The following CCSER1 variants were observed in gnomAD, a reference collection of about 807,000 sequenced individuals.
CCSER1 encodes the protein coiled-coil serine rich protein 1.
In CCSER1, 41 loss-of-function variants were observed where a neutral mutation model predicts 82.0. The observed-to-expected ratio is 0.50, with a 90% confidence interval of 0.39 to 0.65. CCSER1 has a LOEUF of 0.65. Among genes scored for constraint, CCSER1 ranks in the 30% least tolerant of loss-of-function variants. The pLI, the probability that CCSER1 is intolerant of heterozygous loss-of-function variation, is 0.00. For synonymous variants in CCSER1, 414 were observed against 383.9 expected, an observed-to-expected ratio of 1.08 and a Z score of -0.92; for missense variants, 1,119 against 1,064.2, an observed-to-expected ratio of 1.05 and a Z score of -0.72.
At chr4:91,482,154 G>A (rs1205666561) in intron 10 of CCSER1, among the ~76,000 whole-genome samples, 1 of 151,164 alleles carries the variant, frequency 6.6e-6, no homozygotes, top group African/African-American at 2.4e-5. Flanking sequence ...TGTAATCCCA[G>A]CACTTTGGGA....
chr4:91,149,534 T>C (rs1481362795), intron 10 of CCSER1, among the ~76,000 whole-genome samples: 2 of 152,234 alleles, frequency 1.3e-5, no homozygotes, highest in African/African-American at 4.8e-5. Flanking sequence ...TTTGGTGTTT[T>C]AGACATGAAG....
intron 10 of CCSER1, among the ~76,000 whole-genome samples, chr4:91,440,849 C>G (rs1383154290): frequency 6.6e-6 from 1 of 152,180 alleles, no homozygotes; most frequent in Non-Finnish European, 1.5e-5. Context: ...CACCTCTATG[C>G]AAGTAAACTA....
At chr4:90,618,047 A>G (rs1484072283) in intron 5 of CCSER1, among the ~76,000 whole-genome samples, 2 of 152,044 alleles carry the variant, frequency 1.3e-5, no homozygotes, top group Non-Finnish European at 2.9e-5. Context: ...GAAATTGAAT[A>G]CATATATCAC....
At chr4:90,733,290 T>C (rs1352066080) in intron 7 of CCSER1, among the ~76,000 whole-genome samples, 1 of 152,210 alleles carries the variant, frequency 6.6e-6, no homozygotes, top group Non-Finnish European at 1.5e-5. Context: ...ATTAGTGATG[T>C]TGAGCACCTT....
chr4:90,568,830 C>A (rs1779750457), intron 5 of CCSER1, among the ~76,000 whole-genome samples: 1 of 150,570 alleles, frequency 6.6e-6, no homozygotes, highest in Non-Finnish European at 1.5e-5. Flanking sequence ...TGGCACCGTG[C>A]CGTGTCGGCT....
chr4:90,964,743 A>C (rs1020440935), intron 9 of CCSER1, among the ~76,000 whole-genome samples: 3 of 151,268 alleles, frequency 2.0e-5, no homozygotes, highest in Admixed American at 1.3e-4. Flanking sequence ...AAAAAAAAAA[A>C]AAAAAAAAAG....
chr4:91,156,153 A>C (rs1730797802), intron 10 of CCSER1, among the ~76,000 whole-genome samples: 1 of 151,768 alleles, frequency 6.6e-6, no homozygotes, highest in Admixed American at 6.6e-5. Context: ...TAATTGTTGA[A>C]GGGAGGTGAT....
intron 8 of CCSER1, among the ~76,000 whole-genome samples, chr4:90,866,564 C>T (rs544997123): frequency 6.6e-6 from 1 of 152,128 alleles, no homozygotes; most frequent in East Asian, 1.9e-4. Context: ...TTTAGACTTA[C>T]ATTTTAGGCT....
At chr4:91,439,493 G>C (rs376563515) in intron 10 of CCSER1, among the ~76,000 whole-genome samples, 7 of 152,088 alleles carry the variant, frequency 4.6e-5, no homozygotes, top group Admixed American at 3.9e-4. Context: ...ACTAAACATG[G>C]AAAGGAACAA....
At position 90,751,548 on chromosome 4, in the gene CCSER1, A is replaced by G. The variant is rs537991218; in HGVS notation, c.2010+27557A>G. Among the ~76,000 whole-genome samples, 8 of 152,246 alleles carry G rather than the reference A, an allele frequency of 5.3e-5. No individual in the cohort carries two copies. The South Asian group carries it at 8.3e-4, about 16-fold the overall frequency. ...ATATAAATAGTGATTTAAGAAACCAATGAAAAATATTTACAAAGATTAATT... is the reference window on the plus strand; with the variant it reads ...ATATAAATAGTGATTTAAGAAACCAGTGAAAAATATTTACAAAGATTAATT... On this transcript the variant is annotated intron_variant, in intron 7 of 10. Coordinates refer to ENST00000509176, the MANE Select transcript of CCSER1 (RefSeq NM_001145065.2).
At chr4:90,474,462 T>C (rs371952490) in intron 5 of CCSER1, among the ~76,000 whole-genome samples, 2 of 152,276 alleles carry the variant, frequency 1.3e-5, no homozygotes, top group East Asian at 1.9e-4. Context: ...TTGTTTGTTA[T>C]AGAGAACGAA....
intron 9 of CCSER1, among the ~76,000 whole-genome samples, chr4:91,061,745 AGTT>A (rs926958667): frequency 1.3e-5 from 2 of 152,012 alleles, no homozygotes; most frequent in African/African-American, 2.4e-5. Flanking sequence ...AAGCAAATAA[AGTT>A]GTGTGCAGTT....
At chr4:90,342,084 C>A (rs560795843) in intron 3 of CCSER1, among the ~76,000 whole-genome samples, 6 of 152,148 alleles carry the variant, frequency 3.9e-5, no homozygotes, top group Non-Finnish European at 8.8e-5. Flanking sequence ...TTTAATAAGA[C>A]AATTATTTTC....
At chr4:91,077,287 AAGGAATC>A (rs1263179374) in intron 9 of CCSER1, among the ~76,000 whole-genome samples, 2 of 152,208 alleles carry the variant, frequency 1.3e-5, no homozygotes, top group Non-Finnish European at 2.9e-5. Flanking sequence ...GCAAGCCTCA[AAGGAATC>A]AGTATCACTC....
intron 10 of CCSER1, among the ~76,000 whole-genome samples, chr4:91,389,820 A>G (rs902973572): frequency 2.6e-5 from 4 of 151,880 alleles, no homozygotes; most frequent in African/African-American, 4.8e-5. Context: ...TTACTTAAGT[A>G]TTTTATTTTT....
intron 1 of CCSER1, among the ~76,000 whole-genome samples, chr4:90,176,056 A>G (rs1374088125): frequency 1.3e-5 from 2 of 151,966 alleles, no homozygotes; most frequent in Non-Finnish European, 2.9e-5. Flanking sequence ...AAATAGAGTG[A>G]TCTCAAGTTT....
chr4:90,976,979 CAT>C (rs1371228813), intron 9 of CCSER1, among the ~76,000 whole-genome samples: 2 of 151,516 alleles, frequency 1.3e-5, no homozygotes, highest in Non-Finnish European at 3.0e-5. Context: ...GTGAAGGTGA[CAT>C]GAGACACAGC....
In CCSER1 at chr4:90,732,056, T is replaced by TCTCTCTCTCTCTCTCTCTCTCTCTCA. The variant is rs761678318; in HGVS notation, c.2010+8070_2010+8071insTCTCTCTCTCTCTCTCTCTCACTCTC. On this transcript the variant is annotated intron_variant, in intron 7 of 10. Transcript: ENST00000509176. ...CTCTCTCTCTCTCTCTCTCTCTCTC[T>TCTCTCTCTCTCTCTCTCTCTCTCTCA]CTCTCACTGCTCTATTCTACTTCTG... Among the ~76,000 whole-genome samples, 37 of 144,772 alleles carry TCTCTCTCTCTCTCTCTCTCTCTCTCA rather than the reference T, an allele frequency of 2.6e-4. 1 individual carries two copies. Among genetic ancestry groups the TCTCTCTCTCTCTCTCTCTCTCTCTCA allele is most frequent in the African/African-American group, 3.5e-4 (14 of 40,066 alleles). The allele number at this position is 144,772 out of a possible 152,430, so 95.0% of individuals were successfully genotyped here. A position where few individuals can be genotyped will look rare whatever the true frequency, so the allele number is the denominator to read the frequency against.
intron 10 of CCSER1, among the ~76,000 whole-genome samples, chr4:91,429,979 C>T (rs1754199401): frequency 6.6e-6 from 1 of 151,918 alleles, no homozygotes; most frequent in African/African-American, 2.4e-5. Flanking sequence ...ACTTCACTAG[C>T]AATGTGTTTA....
Sources: allele counts gnomAD v4.1 joint callset (sites outside exome capture counted in the v4.1 genomes callset), GRCh38; gene constraint gnomAD v4.1.1; transcripts MANE v1.5; gene names NCBI Gene and HGNC (gene_info 2026-07-23, HGNC 2026-07-21).